Variants in CD4 observed in about 807,000 individuals in gnomAD.
The protein encoded by CD4 is CD4 molecule, also known as T-cell surface glycoprotein CD4.
A neutral mutation model predicts 50.5 loss-of-function variants in CD4; 25 were observed. That is an observed-to-expected ratio of 0.49 (90% confidence interval 0.36 to 0.69). CD4 has a LOEUF of 0.69. Among genes scored for constraint, CD4 ranks in the 30% least tolerant of loss-of-function variants. CD4 has a pLI of 0.00. For missense variants in CD4, 456 were observed against 548.5 expected (o/e 0.83, Z 1.68); for synonymous variants, 207 against 221.9 (o/e 0.93, Z 0.60).
chr12:6,790,179 A>T (rs1490468641), intron 1 of CD4, among the ~76,000 whole-genome samples: 8 of 145,496 alleles, frequency 5.5e-5, no homozygotes, highest in African/African-American at 2.1e-4. Context: ...AGTGGAATCT[A>T]GTCTAGAGAA....
In CD4 at chr12:6,816,925, G is replaced by T. The variant is rs1461220282; in HGVS notation, c.956-205G>T. On this transcript the variant is annotated intron_variant, in intron 6 of 9. Transcript: ENST00000011653. This position sits in a 1 kb window ranked among gnomAD's most constrained non-coding sequence, Gnocchi z 4.9. ...GTACTATCTGGGTGCAGGTTGTTAA[G>T]TCACTTGCCCAGAGACACACAGCTG... Among the ~76,000 whole-genome samples, 1 of 152,186 alleles carries T rather than the reference G, an allele frequency of 6.6e-6. No homozygotes were observed. The highest frequency in any genetic ancestry group is 1.5e-5 in the Non-Finnish European group (1 of 68,040).
rs979166029 is a variant in CD4 at position 6,819,295 on chromosome 12, G to T, written c.1347-4G>T. 6.2e-7 allele frequency: 1 copy of T among 1,614,136 alleles called. No individual in the cohort carries two copies. Reference sequence around the variant, plus strand: ...CCTGCTCCCCTTCTTCTTTGTTCCTGCAGCCGGTTTCAGAAGACATGTAGC... The same window carrying T: ...CCTGCTCCCCTTCTTCTTTGTTCCTTCAGCCGGTTTCAGAAGACATGTAGC... On this transcript the variant is annotated splice_polypyrimidine_tract_variant and splice_region_variant and intron_variant, in intron 9 of 9. Coordinates refer to ENST00000011653, the MANE Select transcript of CD4 (RefSeq NM_000616.5).
chr12:6,807,970 C>T (rs1342061799), intron 3 of CD4, among the ~76,000 whole-genome samples: 2 of 150,522 alleles, frequency 1.3e-5, no homozygotes, highest in Non-Finnish European at 3.0e-5. Context: ...GTCCCAGCTA[C>T]TCGGGAGGCT....
rs1163706402 is a variant in CD4, at chr12:6,813,856, T to C, written c.215-286T>C. On this transcript the variant is annotated intron_variant, in intron 3 of 9. Coordinates refer to ENST00000011653, the MANE Select transcript of CD4 (RefSeq NM_000616.5). ...TGTTGACAGTATCTATTTCTCGGAA[T>C]TATTGTGGAGATTACTGAGATGATG... Among the ~76,000 whole-genome samples, 4 of 152,208 alleles carry C rather than the reference T, an allele frequency of 2.6e-5. No individual in the cohort carries two copies. In the East Asian group the frequency reaches 7.7e-4, roughly 29 times the overall value.
chr12:6,816,147 G>A lies in CD4; in HGVS notation c.699G>A (p.Thr233=), dbSNP rs10849525. The change falls in exon 6 of 10, where the codon ACG becomes ACA. Residue 233 remains threonine, a synonymous_variant. Transcript: ENST00000011653. This position sits in a 1 kb window ranked among gnomAD's most constrained non-coding sequence, Gnocchi z 4.9. The part of the protein sequence containing the change: ...FPLAFTVEKL[T]GSGELWWQAE... ...TCGCCTTTACAGTTGAAAAGCTGACGGGCAGTGGCGAGCTGTGGTGGCAGG... is the reference window on the plus strand; with the variant it reads ...TCGCCTTTACAGTTGAAAAGCTGACAGGCAGTGGCGAGCTGTGGTGGCAGG... 3.8e-5 allele frequency: 62 copies of A among 1,614,162 alleles called. No individual in the cohort carries two copies. The highest frequency in any genetic ancestry group is 4.7e-5 in the Non-Finnish European group (55 of 1,180,036).
At chr12:6,804,481 G>T (rs782491168) in intron 3 of CD4, among the ~76,000 whole-genome samples, 13 of 152,320 alleles carry the variant, frequency 8.5e-5, no homozygotes, top group African/African-American at 2.4e-4. Flanking sequence ...ATTCATCAAG[G>T]TTGCAGAATA....
At chr12:6,808,698 C>T (rs1440220932) in intron 3 of CD4, among the ~76,000 whole-genome samples, 23 of 152,018 alleles carry the variant, frequency 1.5e-4, no homozygotes, top group Admixed American at 1.4e-3. Flanking sequence ...AATTAATTGT[C>T]CCCTAATATA....
Position 6,792,406 on chromosome 12 carries a change from A to C in CD4, c.-68+2744A>C, listed in dbSNP as rs1426302963. Reference sequence around the variant, plus strand: ...CTCACTTTGGATCTATGCTCTGTGCATCTGTCTTGCTTCTCAGAATTTCTT... The same window carrying C: ...CTCACTTTGGATCTATGCTCTGTGCCTCTGTCTTGCTTCTCAGAATTTCTT... On this transcript the variant is annotated intron_variant, in intron 1 of 9. Coordinates refer to ENST00000011653, the MANE Select transcript of CD4 (RefSeq NM_000616.5). The surrounding 1 kb of genome is among the most constrained non-coding windows in gnomAD (Gnocchi z 4.1). Among the ~76,000 whole-genome samples, 1 of 152,060 alleles carries C rather than the reference A, an allele frequency of 6.6e-6. No homozygotes were observed. Among genetic ancestry groups the C allele is most frequent in the African/African-American group, 2.4e-5 (1 of 41,370 alleles).
At position 6,812,705 on chromosome 12, in the gene CD4, A is replaced by G. The variant is rs923558425; in HGVS notation, c.215-1437A>G. ...AAAAAAAAAAAAGCAAAGGGCATATAGTGAAAAGCTTTCTTCCTACACATG... is the reference window on the plus strand; with the variant it reads ...AAAAAAAAAAAAGCAAAGGGCATATGGTGAAAAGCTTTCTTCCTACACATG... On this transcript the variant is annotated intron_variant, in intron 3 of 9. Transcript: ENST00000011653. Among the ~76,000 whole-genome samples the G allele has an allele frequency of 2.0e-5, 3 of 151,848 alleles. No homozygotes were observed. In the East Asian group the frequency reaches 5.8e-4, roughly 29 times the overall value.
intron 3 of CD4, among the ~76,000 whole-genome samples, chr12:6,806,149 AGGTAC>A (rs1565495043): frequency 2.8e-4 from 35 of 126,538 alleles, no homozygotes; most frequent in Admixed American, 1.0e-3. Context: ...AAAAAAAAAA[AGGTAC>A]ATACACACAC....
intron 1 of CD4, among the ~76,000 whole-genome samples, chr12:6,791,897 G>A (rs1485299451): frequency 5.3e-5 from 8 of 152,156 alleles, no homozygotes; most frequent in African/African-American, 1.9e-4. Context: ...CTTTGATGAA[G>A]GTGGGGAATC....
In CD4 at chr12:6,818,779, C is replaced by A; in HGVS notation, c.1279-68C>A. 6.9e-7 allele frequency: 1 copy of A among 1,443,664 alleles called. No homozygotes were observed. The highest frequency in any genetic ancestry group is 9.8e-7 in the Non-Finnish European group (1 of 1,024,896). 89.4% of individuals were successfully genotyped at this position (1,443,664 alleles called of 1,614,324 possible). A position where few individuals can be genotyped will look rare whatever the true frequency, so the allele number is the denominator to read the frequency against. On this transcript the variant is annotated intron_variant, in intron 8 of 9. Coordinates refer to ENST00000011653, the MANE Select transcript of CD4 (RefSeq NM_000616.5). The surrounding 1 kb of genome is among the most constrained non-coding windows in gnomAD (Gnocchi z 5.0). ...TCCTGTCGCAGCTTCCCCCACTCCCCCCACCAAGGGGCACCTCCCTTCTGG... is the reference window on the plus strand; with the variant it reads ...TCCTGTCGCAGCTTCCCCCACTCCCACCACCAAGGGGCACCTCCCTTCTGG...
At chr12:6,801,229 A>C (rs2137863230) in intron 3 of CD4, among the ~76,000 whole-genome samples, 1 of 151,890 alleles carries the variant, frequency 6.6e-6, no homozygotes, top group South Asian at 2.1e-4. Context: ...TTAATTAAAA[A>C]AAAAAAGGCC....
Position 6,818,651 on chromosome 12 carries a change from G to T in CD4, c.1278+109G>T. 1 of 1,401,838 alleles carries T rather than the reference G, an allele frequency of 7.1e-7. No individual in the cohort carries two copies. The allele number at this position is 1,401,838 out of a possible 1,614,324, so 86.8% of individuals were successfully genotyped here. ...TTGGCCCAGCTCCCTCTGCCCACTC[G>T]TAAGTTCCCTTGCTGCCCTGTCCCA... On this transcript the variant is annotated intron_variant, in intron 8 of 9. Transcript: ENST00000011653. This position sits in a 1 kb window ranked among gnomAD's most constrained non-coding sequence, Gnocchi z 5.0.
chr12:6,790,416 T>C (rs11064393), intron 1 of CD4, among the ~76,000 whole-genome samples: 23,989 of 152,272 alleles, frequency 0.16, 2,099 homozygotes, highest in East Asian at 0.38. Context: ...AAATGATTCA[T>C]GAAATAGGAA....
rs1448122414 is a variant in CD4 at position 6,816,908 on chromosome 12, T to C, written c.956-222T>C. On this transcript the variant is annotated intron_variant, in intron 6 of 9. Coordinates refer to ENST00000011653, the MANE Select transcript of CD4 (RefSeq NM_000616.5). The surrounding 1 kb of genome is among the most constrained non-coding windows in gnomAD (Gnocchi z 4.9). Reference sequence around the variant, plus strand: ...ATGTATGCCTGCCTTTAGTACTATCTGGGTGCAGGTTGTTAAGTCACTTGC... The same window carrying C: ...ATGTATGCCTGCCTTTAGTACTATCCGGGTGCAGGTTGTTAAGTCACTTGC... Among the ~76,000 whole-genome samples, 1 of 152,194 alleles carries C rather than the reference T, an allele frequency of 6.6e-6. No individual in the cohort carries two copies. The highest frequency in any genetic ancestry group is 2.4e-5 in the African/African-American group (1 of 41,446).
intron 4 of CD4, 161 bp from the exon 5 acceptor site, chr12:6,814,598 G>T: frequency 1.4e-6 from 1 of 728,804 alleles, no homozygotes; most frequent in Admixed American, 2.1e-5. Context: ...GAGAGAGGAG[G>T]GGAGAGGGAA....
At chr12:6,793,588 C>T (rs974931297) in intron 1 of CD4, among the ~76,000 whole-genome samples, 2 of 152,120 alleles carry the variant, frequency 1.3e-5, no homozygotes, top group Non-Finnish European at 2.9e-5. Context: ...TTTTCAGAAA[C>T]CTCCTTCCTG....
chr12:6,791,236 C>T (rs751274311), intron 1 of CD4, among the ~76,000 whole-genome samples: 1 of 152,120 alleles, frequency 6.6e-6, no homozygotes, highest in Non-Finnish European at 1.5e-5. Flanking sequence ...TTGTCTTGCA[C>T]GTTTTATTTT....
Sources: allele counts gnomAD v4.1 joint callset (sites outside exome capture counted in the v4.1 genomes callset), GRCh38; gene constraint gnomAD v4.1.1; non-coding constraint Gnocchi (gnomAD v3.1); transcripts MANE v1.5; gene names NCBI Gene and HGNC (gene_info 2026-07-23, HGNC 2026-07-21).